SLC9C2: variants seen among roughly 807,000 people sequenced by gnomAD.
SLC9C2 encodes sodium/hydrogen exchanger 11.
Under a neutral mutation model 140.2 loss-of-function variants are expected in SLC9C2, and 75 were observed. The observed-to-expected ratio is 0.53, with a 90% CI of 0.44 to 0.65. The LOEUF (loss-of-function observed/expected upper bound fraction) is 0.65, where lower values mean the gene tolerates loss of function less well. Ranked by LOEUF, SLC9C2 falls within the 30% of genes least tolerant of loss-of-function variation. The pLI, the probability that SLC9C2 is intolerant of heterozygous loss-of-function variation, is 0.00. For missense variants in SLC9C2, 1,074 were observed against 1,331.8 expected (o/e 0.81, Z 3.01); for synonymous variants, 375 against 420.9 (o/e 0.89, Z 1.34).
At chr1:173,554,666 G>A in intron 11 of SLC9C2, 67 bp downstream of exon 11, 1 of 979,400 alleles carries the variant, frequency 1.0e-6, no homozygotes, top group Non-Finnish European at 1.6e-6. Context: ...ATGTCCCCAT[G>A]ACACCCAACA....
chr1:173,518,843 C>T (rs1660604740), intron 22 of SLC9C2, among the ~76,000 whole-genome samples: 1 of 151,896 alleles, frequency 6.6e-6, no homozygotes. Context: ...ATGAAGAATG[C>T]CTCTGCTTTT....
At chr1:173,590,803 A>G (rs187033348) in intron 4 of SLC9C2, among the ~76,000 whole-genome samples, 42 of 152,364 alleles carry the variant, frequency 2.8e-4, no homozygotes, top group Non-Finnish European at 5.4e-4. Context: ...GGCAAGACAG[A>G]GTAAAATGGC....
At position 173,517,523 on chromosome 1, in the gene SLC9C2, A is replaced by T. The variant is rs757551068; in HGVS notation, c.2907+14T>A. The stretch of plus-strand genomic sequence containing the variant: ...AAGAATAATTAATAACTCATGACAG[A>T]ACCATTTTCCTACCTGTAAACTAGT... On this transcript the variant is annotated intron_variant, in intron 23 of 27. Transcript: ENST00000367714. 2 of 1,584,590 alleles carry T rather than the reference A, an allele frequency of 1.3e-6. No individual in the cohort carries two copies. The highest frequency in any genetic ancestry group is 1.7e-6 in the Non-Finnish European group (2 of 1,169,842).
intron 13 of SLC9C2, among the ~76,000 whole-genome samples, chr1:173,539,729 G>A (rs1010164755): frequency 1.3e-5 from 2 of 152,112 alleles, no homozygotes; most frequent in African/African-American, 4.8e-5. Flanking sequence ...AACATTAAAG[G>A]GTTAAAAAGA....
At chr1:173,542,074 G>T (rs1359864879) in intron 13 of SLC9C2, among the ~76,000 whole-genome samples, 4 of 152,058 alleles carry the variant, frequency 2.6e-5, no homozygotes, top group Admixed American at 6.6e-5. Context: ...CCAGGAGCTG[G>T]TTTTTTGAAA....
intron 8 of SLC9C2, 139 bp from the exon 9 acceptor site, chr1:173,573,464 A>G: frequency 1.7e-6 from 1 of 587,548 alleles, no homozygotes; most frequent in Non-Finnish European, 2.7e-6. Flanking sequence ...TATAGTCAAC[A>G]TTTAAAAGAA....
intron 4 of SLC9C2, 67 bp from the exon 5 acceptor site, chr1:173,587,897 T>C: frequency 1.6e-6 from 2 of 1,238,370 alleles, no homozygotes; most frequent in South Asian, 1.5e-5. Context: ...CATTTACTTA[T>C]ATCCTAAGAG....
chr1:173,560,138 A>G (rs538157947), intron 9 of SLC9C2, among the ~76,000 whole-genome samples: 1 of 152,370 alleles, frequency 6.6e-6, no homozygotes, highest in African/African-American at 2.4e-5. Flanking sequence ...TAAACTCTTT[A>G]TTTTGGAATT....
chr1:173,546,470 A>C lies in SLC9C2; in HGVS notation c.1557+1219T>G, dbSNP rs532029020. On this transcript the variant is annotated intron_variant, in intron 13 of 27. Coordinates refer to ENST00000367714, the MANE Select transcript of SLC9C2 (RefSeq NM_178527.4). ...GTGGCACGCACTTGTAATTCCAGCT[A>C]CCAGGGAGGCTGAGGCACAAGAATC... 1.9e-4 allele frequency among the ~76,000 whole-genome samples: 29 copies of C among 152,352 alleles called. No homozygotes were observed. In the East Asian group the frequency reaches 5.0e-3, roughly 26 times the overall value.
intron 4 of SLC9C2, among the ~76,000 whole-genome samples, chr1:173,593,914 A>G (rs1397956960): frequency 2.6e-5 from 4 of 152,216 alleles, no homozygotes; most frequent in Admixed American, 1.3e-4. Context: ...TTTTCAAACC[A>G]TAGTTGACCA....
Position 173,514,498 on chromosome 1 carries a change from C to T in SLC9C2, c.2907+3039G>A, listed in dbSNP as rs551061576. ...CCCTGCTTTTTTTTTGTTTGTTTTC[C>T]ATTTGCTTGGTAATTTTTCCTCCAC... is the stretch of plus-strand genomic sequence containing the variant. On this transcript the variant is annotated intron_variant, in intron 23 of 27. Transcript: ENST00000367714. Among the ~76,000 whole-genome samples the T allele has an allele frequency of 9.2e-5, 14 of 151,714 alleles. No individual in the cohort carries two copies. In the South Asian group the frequency reaches 2.9e-3, roughly 32 times the overall value.
At chr1:173,559,247 T>C (rs1049655990) in intron 9 of SLC9C2, among the ~76,000 whole-genome samples, 3 of 152,242 alleles carry the variant, frequency 2.0e-5, no homozygotes, top group African/African-American at 4.8e-5. Context: ...AAGTTCCCTA[T>C]AAAGAGCAGT....
intron 17 of SLC9C2, 142 bp downstream of exon 17, chr1:173,533,467 T>A (rs946315131): frequency 1.8e-6 from 1 of 571,426 alleles, no homozygotes; most frequent in African/African-American, 1.9e-5. Flanking sequence ...TTTGTAGTGA[T>A]GGGGTCTTGC....
chr1:173,548,913 A>C (rs1663058945), intron 11 of SLC9C2, among the ~76,000 whole-genome samples: 2 of 152,224 alleles, frequency 1.3e-5, no homozygotes, highest in African/African-American at 4.8e-5. Flanking sequence ...GTTCCACTCC[A>C]TACCTACAGA....
In SLC9C2 at chr1:173,560,226, A is replaced by G. The variant is rs184877768; in HGVS notation, c.1047-2718T>C. ...AAAGAAGTGTAATACGAAAAATAAA[A>G]CACTTTAATATATTGCAGGAACACC... On this transcript the variant is annotated intron_variant, in intron 9 of 27. Coordinates refer to ENST00000367714, the MANE Select transcript of SLC9C2 (RefSeq NM_178527.4). 2.6e-5 allele frequency among the ~76,000 whole-genome samples: 4 copies of G among 152,328 alleles called. No homozygotes were observed. The East Asian group carries it at 5.8e-4, about 22-fold the overall frequency.
chr1:173,563,090 G>T (rs1489115181), intron 9 of SLC9C2, among the ~76,000 whole-genome samples: 1 of 151,734 alleles, frequency 6.6e-6, no homozygotes, highest in African/African-American at 2.4e-5. Flanking sequence ...GCCACGGGGG[G>T]CCAGGATGAA....
intron 3 of SLC9C2, among the ~76,000 whole-genome samples, chr1:173,599,409 C>G (rs1666643461): frequency 9.8e-6 from 1 of 102,364 alleles, no homozygotes; most frequent in Admixed American, 1.6e-4. Context: ...GAGTCTTGCT[C>G]TGTCGCCCAG....
chr1:173,554,664 A>G (rs1663547766), intron 11 of SLC9C2, 69 bp downstream of exon 11: 10 of 971,008 alleles, frequency 1.0e-5, no homozygotes, highest in Non-Finnish European at 3.3e-6. Context: ...AAATGTCCCC[A>G]TGACACCCAA....
At chr1:173,523,343 G>A (rs1039909048) in intron 21 of SLC9C2, among the ~76,000 whole-genome samples, 2 of 152,166 alleles carry the variant, frequency 1.3e-5, no homozygotes, top group African/African-American at 4.8e-5. Flanking sequence ...CTGCACTCCA[G>A]CCTGGGCGGC....
Sources: allele counts gnomAD v4.1 joint callset (sites outside exome capture counted in the v4.1 genomes callset), GRCh38; gene constraint gnomAD v4.1.1; transcripts MANE v1.5; gene names NCBI Gene and HGNC (gene_info 2026-07-23, HGNC 2026-07-21).